The following PRRC2A variants were observed in gnomAD, a reference collection of about 807,000 sequenced individuals.
PRRC2A encodes protein PRRC2A.
PRRC2A carries 59 observed loss-of-function variants against 224.6 expected under a neutral mutation model. The observed-to-expected ratio is 0.26, with a 90% CI of 0.21 to 0.33. The LOEUF (loss-of-function observed/expected upper bound fraction) is 0.33, where lower values mean the gene tolerates loss of function less well. Ranked by LOEUF, PRRC2A falls within the 10% of genes least tolerant of loss-of-function variation. PRRC2A has a pLI of 1.00. For missense variants in PRRC2A, 3,095 were observed against 2,880.7 expected, an observed-to-expected ratio of 1.07 and a Z score of -1.70; for synonymous variants, 1,194 against 1,109.5, an observed-to-expected ratio of 1.08 and a Z score of -1.51.
intron 2 of PRRC2A, among the ~76,000 whole-genome samples, chr6:31,623,441 G>A (rs3130069): frequency 0.74 from 112,635 of 151,628 alleles, 42,206 homozygotes; most frequent in East Asian, 0.97. Flanking sequence ...CTAATTTTGT[G>A]TTTTTAGTAG....
Position 31,628,056 on chromosome 6 carries a change from C to G in PRRC2A, c.1582C>G (p.Leu528Val), listed in dbSNP as rs748797789. ...PAPPPAVPKE[L>V]PAPPAPPPAS... The stretch of plus-strand genomic sequence containing the variant: ...TCCACCACCTGCAGTCCCTAAAGAA[C>G]TCCCTGCACCTCCAGCTCCACCTCC... The change falls in exon 12 of 31, where the codon CTC becomes GTC. Residue 528 changes from leucine to valine, a missense_variant. This residue lies in a region of PRRC2A where 2,001 missense variants were observed against 1,764.9 expected (regional missense o/e 1.13). Transcript: ENST00000376033. The G allele has an allele frequency of 6.2e-7, 1 of 1,612,716 alleles. No homozygotes were observed. The highest frequency in any genetic ancestry group is 2.2e-5 in the East Asian group (1 of 44,892).
chr6:31,630,902 A>G, intron 15 of PRRC2A, 101 bp downstream of exon 15: 1 of 1,438,982 alleles, frequency 6.9e-7, no homozygotes, highest in African/African-American at 1.4e-5. Flanking sequence ...ATGAACGGGA[A>G]AGGAGAGGCT....
In PRRC2A at chr6:31,636,295, T is replaced by A. The variant is rs1408201749; in HGVS notation, c.5711T>A (p.Phe1904Tyr). ...GLALKGQFLD[F>Y]STMQATELGK... ...GCTCTCAAGGGCCAGTTTCTGGATT[T>A]CTCCACAATGCAAGCTACAGAGCTG... is the stretch of plus-strand genomic sequence containing the variant. The change falls in exon 26 of 31, where the codon TTC becomes TAC. Residue 1904 changes from phenylalanine (F) to tyrosine (Y), a missense_variant. This residue lies in a region of PRRC2A where 662 missense variants were observed against 609.5 expected (regional missense o/e 1.09). Coordinates refer to ENST00000376033, the MANE Select transcript of PRRC2A (RefSeq NM_004638.4). The surrounding 1 kb of genome is among the most constrained non-coding windows in gnomAD (Gnocchi z 4.3). 1 of 1,612,912 alleles carries A rather than the reference T, an allele frequency of 6.2e-7. No homozygotes were observed. Among genetic ancestry groups the A allele is most frequent in the East Asian group, 2.2e-5 (1 of 44,892 alleles).
At chr6:31,634,643 G>A (rs1777099869) in intron 20 of PRRC2A, 86 bp downstream of exon 20, 2 of 1,579,642 alleles carry the variant, frequency 1.3e-6, no homozygotes, top group Admixed American at 1.7e-5. Context: ...TGAGTCTGGA[G>A]CTGTTCTCTC....
rs769675667 is a variant in PRRC2A at position 31,632,510 on chromosome 6, T to C, written c.3837T>C (p.Leu1279=). Reference sequence around the variant, plus strand: ...CTGAGGGCAAGCCCTCCCTAACCCTTCCAGCCTCCGCTCCTGGACCTGAGG... The same window carrying C: ...CTGAGGGCAAGCCCTCCCTAACCCTCCCAGCCTCCGCTCCTGGACCTGAGG... ...RGSEGKPSLT[L]PASAPGPEEA... Residue 1279 remains leucine, a synonymous_variant, in exon 16 of 31, where the codon CTT becomes CTC. Coordinates refer to ENST00000376033, the MANE Select transcript of PRRC2A (RefSeq NM_004638.4). 4.4e-6 allele frequency: 7 copies of C among 1,608,562 alleles called. No homozygotes were observed. In the South Asian group the frequency reaches 4.4e-5, roughly 10 times the overall value.
chr6:31,631,760 C>A lies in PRRC2A; in HGVS notation c.3087C>A (p.Gly1029=). The change falls in exon 16 of 31, where the codon GGC becomes GGA. Residue 1029 remains glycine (G), a synonymous_variant. Transcript: ENST00000376033. This position sits in a 1 kb window ranked among gnomAD's most constrained non-coding sequence, Gnocchi z 4.5. ...GPTSCRGRGR[G]EYFARGRGFR... is the part of the protein sequence containing the mutation. ...CCTCTTGCCGGGGTCGGGGCCGAGGCGAGTATTTTGCCAGAGGGAGGGGTT... is the reference window on the plus strand; with the variant it reads ...CCTCTTGCCGGGGTCGGGGCCGAGGAGAGTATTTTGCCAGAGGGAGGGGTT... 6.5e-7 allele frequency: 1 copy of A among 1,538,836 alleles called. No homozygotes were observed. Among genetic ancestry groups the A allele is most frequent in the Non-Finnish European group, 8.8e-7 (1 of 1,141,354 alleles).
Position 31,631,181 on chromosome 6 carries a change from C to G in PRRC2A, c.2508C>G (p.Ala836=). ...TACCTCCCCCACCACCCTATCTGGC[C>G]AGTTATCCAGGCTTTCCTGAGAATG... ...PPVPPPPPYL[A]SYPGFPENGA... The change falls in exon 16 of 31, where the codon GCC becomes GCG. Residue 836 remains alanine (A), a synonymous_variant. Coordinates refer to ENST00000376033, the MANE Select transcript of PRRC2A (RefSeq NM_004638.4). The surrounding 1 kb of genome is among the most constrained non-coding windows in gnomAD (Gnocchi z 4.5). 1 of 1,574,186 alleles carries G rather than the reference C, an allele frequency of 6.4e-7. No homozygotes were observed.
chr6:31,624,366 T>A lies in PRRC2A; in HGVS notation c.390+6T>A. On this transcript the variant is annotated splice_donor_region_variant and intron_variant, in intron 4 of 30. Coordinates refer to ENST00000376033, the MANE Select transcript of PRRC2A (RefSeq NM_004638.4). ...GACCCCCAGCAGCCCCCGAGGTACC[T>A]GGAGAACTGGAGGGGTGGGGAGGAA... The A allele has an allele frequency of 6.2e-7, 1 of 1,612,814 alleles. No homozygotes were observed. Among genetic ancestry groups the A allele is most frequent in the Non-Finnish European group, 8.5e-7 (1 of 1,178,762 alleles).
chr6:31,629,429 C>A, intron 13 of PRRC2A, 95 bp downstream of exon 13: 1 of 1,484,768 alleles, frequency 6.7e-7, no homozygotes, highest in Non-Finnish European at 9.2e-7. Flanking sequence ...CCCTTTGCTT[C>A]TTTGTCCAGT....
At chr6:31,620,927 C>CGGT (rs773822172) in intron 1 of PRRC2A, 69 bp downstream of exon 1, 31 of 155,088 alleles carry the variant, frequency 2.0e-4, no homozygotes, top group East Asian at 5.7e-4. Context: ...GTGGCGGTGG[C>CGGT]GGCGGCGGCG....
intron 13 of PRRC2A, 32 bp from the exon 14 acceptor site, chr6:31,629,516 C>A: frequency 1.4e-6 from 2 of 1,448,780 alleles, no homozygotes; most frequent in Non-Finnish European, 1.9e-6. Context: ...GTGCTTTGAG[C>A]CTCTCTCATC....
At position 31,636,509 on chromosome 6, in the gene PRRC2A, G is replaced by T. The variant is rs569706200; in HGVS notation, c.5836-1G>T. ...ATATATTTCTCCCTGTTTCCCGACA[G>T]GTACGCCAGGATCTGCCATCCCCTT... On this transcript the variant is annotated splice_acceptor_variant, in intron 26 of 30. Coordinates refer to ENST00000376033, the MANE Select transcript of PRRC2A (RefSeq NM_004638.4). LOFTEE classifies it high-confidence loss of function. The surrounding 1 kb of genome is among the most constrained non-coding windows in gnomAD (Gnocchi z 4.3). The T allele has an allele frequency of 1.8e-5, 29 of 1,609,178 alleles. No homozygotes were observed. In the East Asian group the frequency reaches 6.3e-4, roughly 35 times the overall value.
rs761697411 is a variant in PRRC2A, at chr6:31,637,439, C to T, written c.6334-7C>T. ...GACTCACTGTTTAACACATGCCTGT[C>T]CCCTAGGCCTCCCCACCAGATGCCC... On this transcript the variant is annotated splice_polypyrimidine_tract_variant and splice_region_variant and intron_variant, in intron 30 of 30. Coordinates refer to ENST00000376033, the MANE Select transcript of PRRC2A (RefSeq NM_004638.4). The T allele has an allele frequency of 1.9e-6, 3 of 1,584,780 alleles. No homozygotes were observed. Among genetic ancestry groups the T allele is most frequent in the Admixed American group, 3.5e-5 (2 of 57,906 alleles).
rs764528765 is a variant in PRRC2A at position 31,635,968 on chromosome 6, T to G, written c.5543T>G (p.Ile1848Ser). The G allele has an allele frequency of 6.2e-7, 1 of 1,610,460 alleles. No individual in the cohort carries two copies. Among genetic ancestry groups the G allele is most frequent in the South Asian group, 1.1e-5 (1 of 90,832 alleles). The change falls in exon 25 of 31, where the codon ATC (isoleucine) becomes AGC (serine). Residue 1848 changes from isoleucine to serine, a missense_variant and splice_region_variant. Ile to Ser is a moderately radical substitution (Grantham distance 142). Around this residue, in one of 8 missense-constraint regions of PRRC2A, gnomAD observed 662 missense variants for 609.5 expected, o/e 1.09. Coordinates refer to ENST00000376033, the MANE Select transcript of PRRC2A (RefSeq NM_004638.4). ...TTCAACCGTGCTCCTCTCCTGCAGA[T>G]CTCTGGGGGAGCCATGGACTCTCAA... Reference protein sequence around the residue: ...YGSAGPSSSQISGGAMDSQLH... With the variant: ...YGSAGPSSSQSSGGAMDSQLH...
Position 31,631,743 on chromosome 6 carries a change from C to A in PRRC2A, c.3070C>A (p.Arg1024=), listed in dbSNP as rs780664319. 6.5e-7 allele frequency: 1 copy of A among 1,531,608 alleles called. No homozygotes were observed. Among genetic ancestry groups the A allele is most frequent in the South Asian group, 1.3e-5 (1 of 78,686 alleles). 94.9% of individuals were successfully genotyped at this position (1,531,608 alleles called of 1,614,324 possible). A position where few individuals can be genotyped will look rare whatever the true frequency, so the allele number is the denominator to read the frequency against. Residue 1024 remains arginine (R), a synonymous_variant, in exon 16 of 31, where the codon CGG becomes AGG. Transcript: ENST00000376033. The surrounding 1 kb of genome is among the most constrained non-coding windows in gnomAD (Gnocchi z 4.5). Reference sequence around the variant, plus strand: ...TGAAAGAGTGGGTCCTACCTCTTGCCGGGGTCGGGGCCGAGGCGAGTATTT... The same window carrying A: ...TGAAAGAGTGGGTCCTACCTCTTGCAGGGGTCGGGGCCGAGGCGAGTATTT... The part of the protein sequence containing the change: ...SYERVGPTSC[R]GRGRGEYFAR...
chr6:31,621,295 C>G (rs1333287391), intron 1 of PRRC2A, among the ~76,000 whole-genome samples: 1 of 151,888 alleles, frequency 6.6e-6, no homozygotes, highest in Non-Finnish European at 1.5e-5. Context: ...GCTGTGTTCC[C>G]CCCTCTGGAC....
Position 31,637,631 on chromosome 6 carries a change from A to G in PRRC2A, c.*45A>G, listed in dbSNP as rs1777699289. 1 of 1,233,176 alleles carries G rather than the reference A, an allele frequency of 8.1e-7. No homozygotes were observed. Among genetic ancestry groups the G allele is most frequent in the East Asian group, 2.9e-5 (1 of 34,064 alleles). 76.4% of individuals were successfully genotyped at this position (1,233,176 alleles called of 1,614,324 possible). On this transcript the variant is annotated 3_prime_UTR_variant, in exon 31 of 31. Transcript: ENST00000376033. The stretch of plus-strand genomic sequence containing the variant: ...TACCCCCGGGGCTTGTATATAGATT[A>G]TAAATATATAAGGGGGAAAGGGGTG...
Position 31,622,897 on chromosome 6 carries a change from C to T in PRRC2A, c.108C>T (p.Pro36=), listed in dbSNP as rs1204809242. ...GCAAGTCCTTAGAGATCCAGAAACC[C>T]GCTGGTGAGAGTCCTGCAAAGATGC... ...YKGKSLEIQK[P]AVAPRHGLQS... The change falls in exon 2 of 31, where the codon CCC becomes CCT. Residue 36 remains proline, a synonymous_variant. Coordinates refer to ENST00000376033, the MANE Select transcript of PRRC2A (RefSeq NM_004638.4). The T allele has an allele frequency of 4.3e-6, 7 of 1,612,748 alleles. No individual in the cohort carries two copies. Among genetic ancestry groups the T allele is most frequent in the Middle Eastern group, 1.7e-4 (1 of 6,060 alleles).
rs1561838279 is a variant in PRRC2A at position 31,635,143 on chromosome 6, G to A, written c.5172G>A (p.Arg1724=). The part of the protein sequence containing the change: ...PHDGDRKELP[R]EQPLPPGPIG... ...TGTGCCCAATCCAGGAGCTGCCCCGGGAGCAGCCTCTGCCCCCTGGCCCCA... is the reference window on the plus strand; with the variant it reads ...TGTGCCCAATCCAGGAGCTGCCCCGAGAGCAGCCTCTGCCCCCTGGCCCCA... The change falls in exon 22 of 31, where the codon CGG becomes CGA. Residue 1724 remains arginine, a synonymous_variant. Coordinates refer to ENST00000376033, the MANE Select transcript of PRRC2A (RefSeq NM_004638.4). The A allele has an allele frequency of 1.9e-6, 3 of 1,613,926 alleles. No individual in the cohort carries two copies. Among genetic ancestry groups the A allele is most frequent in the African/African-American group, 2.7e-5 (2 of 74,912 alleles).
Sources: gnomAD v4.1 joint callset for allele counts (sites outside exome capture counted in the v4.1 genomes callset) on GRCh38, gnomAD v4.1.1 for gene constraint, gnomAD v4.1.1 regional missense constraint, Gnocchi (gnomAD v3.1) non-coding constraint, MANE v1.5 for transcripts, NCBI Gene and HGNC (gene_info 2026-07-23, HGNC 2026-07-21) for gene names.